PARVA: variants seen among roughly 807,000 people sequenced by gnomAD.
PARVA encodes the protein parvin alpha.
A neutral mutation model predicts 52.6 loss-of-function variants in PARVA; 25 were observed. The observed-to-expected ratio is 0.48, with a 90% CI of 0.35 to 0.66. The LOEUF is 0.66. PARVA is among the 30% of genes least tolerant of loss of function. The probability of loss-of-function intolerance (pLI) is 0.01; values close to 1 mark genes in which losing one functional copy is unlikely to be tolerated. For synonymous variants in PARVA, 185 were observed against 179.1 expected (o/e 1.03, Z -0.26); for missense variants, 373 against 450.9 (o/e 0.83, Z 1.56).
At chr11:12,376,682 G>A, upstream of PARVA, 1 of 971,470 alleles carries the variant, frequency 1.0e-6, no homozygotes, top group Non-Finnish European at 1.2e-6. Flanking sequence ...CTGTGAGTCT[G>A]TGTGTGAGAG....
At chr11:12,480,210 T>C (rs4421722) in intron 4 of PARVA, 112,690 of 142,582 alleles carry the variant, frequency 0.79, 45,178 homozygotes, top group Admixed American at 0.87. Flanking sequence ...GGGGACAGAG[T>C]AAGACTCCCT....
intron 1 of PARVA, among the ~76,000 whole-genome samples, chr11:12,469,746 C>G (rs534123442): frequency 1.4e-4 from 22 of 152,330 alleles, no homozygotes; most frequent in African/African-American, 5.1e-4. Context: ...AAAAACATTT[C>G]CAATTGCAAA....
chr11:12,377,761 C>T lies in PARVA; in HGVS notation c.114C>T (p.Ala38=), dbSNP rs991428315. 7 of 1,527,166 alleles carry T rather than the reference C, an allele frequency of 4.6e-6. No homozygotes were observed. The African/African-American group carries it at 8.7e-5, about 19-fold the overall frequency. The allele number at this position is 1,527,166 out of a possible 1,614,324, so 94.6% of individuals were successfully genotyped here. A position where few individuals can be genotyped will look rare whatever the true frequency, so the allele number is the denominator to read the frequency against. ...SFLGKLGGTL[A]RRKKAKEVSE... ...TGGGGAAACTCGGAGGGACCCTGGC[C>T]CGGAGGAAGAAAGCCAAGGAGGGTG... Residue 38 remains alanine, a synonymous_variant, in exon 1 of 13, where the codon GCC becomes GCT. Transcript: ENST00000334956.
Position 12,402,190 on chromosome 11 carries a change from C to T in PARVA, c.136+24407C>T, listed in dbSNP as rs74774090. Among the ~76,000 whole-genome samples the T allele has an allele frequency of 5.1e-3, 783 of 152,194 alleles. 4 individuals are homozygous for T. Among genetic ancestry groups the T allele is most frequent in the African/African-American group, 0.018 (754 of 41,518 alleles). On this transcript the variant is annotated intron_variant, in intron 1 of 12. Transcript: ENST00000334956. ...GGCAACAGCAGGGAGCAGTGACTAC[C>T]CTTAGATAAGAAGTAAGGGGACAGG...
At chr11:12,379,905 T>C (rs1466320840) in intron 1 of PARVA, among the ~76,000 whole-genome samples, 4 of 152,320 alleles carry the variant, frequency 2.6e-5, no homozygotes, top group Admixed American at 2.6e-4. Flanking sequence ...CATAGTCTCA[T>C]CCAGTTTAAG....
At chr11:12,518,802 G>T (rs960167942) in intron 12 of PARVA, among the ~76,000 whole-genome samples, 3 of 152,202 alleles carry the variant, frequency 2.0e-5, no homozygotes, top group African/African-American at 7.2e-5. Context: ...CAATTTCCAG[G>T]TTTTCCTGTC....
In PARVA at chr11:12,437,468, T is replaced by A. The variant is rs75694550; in HGVS notation, c.137-36277T>A. ...CTATTGCCAGCATCATCACAGTGTATGAACTGGCCATCTTGGCAGTCTTCT... is the reference window on the plus strand; with the variant it reads ...CTATTGCCAGCATCATCACAGTGTAAGAACTGGCCATCTTGGCAGTCTTCT... On this transcript the variant is annotated intron_variant, in intron 1 of 12. Coordinates refer to ENST00000334956, the MANE Select transcript of PARVA (RefSeq NM_018222.5). Among the ~76,000 whole-genome samples the A allele has an allele frequency of 9.9e-3, 1,502 of 152,358 alleles. 16 individuals carry two copies. The highest frequency in any genetic ancestry group is 0.026 in the African/African-American group (1,099 of 41,582).
intron 3 of PARVA, among the ~76,000 whole-genome samples, chr11:12,475,364 TGTC>T (rs1485764682): frequency 1.3e-5 from 2 of 152,232 alleles, no homozygotes; most frequent in Admixed American, 6.5e-5. Context: ...TTAGTTCTGT[TGTC>T]GTCTCCACGT....
At chr11:12,507,530 C>G (rs1941447149) in intron 6 of PARVA, among the ~76,000 whole-genome samples, 2 of 152,184 alleles carry the variant, frequency 1.3e-5, no homozygotes, top group South Asian at 4.1e-4. Flanking sequence ...GCCTCTGGAA[C>G]ACATTTGTGC....
At chr11:12,524,519 C>T (rs1455774327) in intron 12 of PARVA, among the ~76,000 whole-genome samples, 1 of 152,194 alleles carries the variant, frequency 6.6e-6, no homozygotes, top group Non-Finnish European at 1.5e-5. Flanking sequence ...TCACCAGGCC[C>T]CCAAATTCCT....
intron 10 of PARVA, among the ~76,000 whole-genome samples, chr11:12,515,178 C>T (rs1212687458): frequency 6.6e-6 from 1 of 152,160 alleles, no homozygotes; most frequent in Admixed American, 6.5e-5. Flanking sequence ...GTTATTTTTC[C>T]TCTCTTTATA....
Position 12,406,661 on chromosome 11 carries a change from G to GTTTTTTTTT in PARVA, c.136+28897_136+28905dup, listed in dbSNP as rs571973101. 1.2e-3 allele frequency among the ~76,000 whole-genome samples: 94 copies of GTTTTTTTTT among 77,792 alleles called. 10 individuals are homozygous for GTTTTTTTTT. The highest frequency in any genetic ancestry group is 2.6e-3 in the African/African-American group (48 of 18,484). The allele number at this position is 77,792 out of a possible 152,430, so 51.0% of individuals were successfully genotyped here. ...ATTGTTAGCTATTTAGGTTGTATCT[G>GTTTTTTTTT]TTTTTTTTTTTTTTTTTTTTTTTTT... On this transcript the variant is annotated intron_variant, in intron 1 of 12. Coordinates refer to ENST00000334956, the MANE Select transcript of PARVA (RefSeq NM_018222.5).
chr11:12,514,129 GC>G, intron 10 of PARVA, 64 bp downstream of exon 10: 1 of 1,326,040 alleles, frequency 7.5e-7, no homozygotes, highest in Non-Finnish European at 1.1e-6. Flanking sequence ...GTTCCAAGTG[GC>G]CCACCACACT....
intron 1 of PARVA, among the ~76,000 whole-genome samples, chr11:12,446,468 C>T (rs771892587): frequency 2.0e-5 from 3 of 152,122 alleles, no homozygotes; most frequent in Non-Finnish European, 4.4e-5. Flanking sequence ...ATCAGTCCTC[C>T]ACTCTGACCC....
chr11:12,497,854 T>C (rs1165857623), intron 5 of PARVA, among the ~76,000 whole-genome samples: 5 of 152,174 alleles, frequency 3.3e-5, no homozygotes, highest in Non-Finnish European at 5.9e-5. Context: ...ACAATAGTCA[T>C]AAACATTAGA....
intron 3 of PARVA, among the ~76,000 whole-genome samples, chr11:12,477,501 T>A (rs1941031196): frequency 6.6e-6 from 1 of 152,108 alleles, no homozygotes; most frequent in East Asian, 1.9e-4. Context: ...AGGATATACA[T>A]CTGAAAATTA....
chr11:12,432,784 G>C (rs1182045924), intron 1 of PARVA, among the ~76,000 whole-genome samples: 4 of 152,210 alleles, frequency 2.6e-5, no homozygotes, highest in Non-Finnish European at 5.9e-5. Context: ...CACAGTTGGT[G>C]CTGCATTGTT....
At position 12,504,297 on chromosome 11, in the gene PARVA, AT is replaced by A. The variant is rs780760906; in HGVS notation, c.542-16del. 6.1e-5 allele frequency: 88 copies of A among 1,445,464 alleles called. 2 individuals carry two copies. In the East Asian group the frequency reaches 2.0e-3, roughly 32 times the overall value. 89.5% of individuals were successfully genotyped at this position (1,445,464 alleles called of 1,614,324 possible). A position where few individuals can be genotyped will look rare whatever the true frequency, so the allele number is the denominator to read the frequency against. ...TGGAAGAAGATGCTGTAATTTTTCA[AT>A]CTTCTTTCATTTCAGCTGTTCATGC... On this transcript the variant is annotated splice_polypyrimidine_tract_variant and intron_variant, in intron 5 of 12. Transcript: ENST00000334956.
At chr11:12,511,653 T>G in intron 8 of PARVA, 120 bp downstream of exon 8, 2 of 1,027,978 alleles carry the variant, frequency 1.9e-6, no homozygotes, top group Non-Finnish European at 3.0e-6. Context: ...TTCACCAGCC[T>G]GGGTGACATG....
Sources: gnomAD v4.1 joint callset for allele counts (sites outside exome capture counted in the v4.1 genomes callset) on GRCh38, gnomAD v4.1.1 for gene constraint, MANE v1.5 for transcripts, NCBI Gene and HGNC (gene_info 2026-07-23, HGNC 2026-07-21) for gene names.